Variants in TTC7A observed in about 807,000 individuals in gnomAD.
TTC7A encodes tetratricopeptide repeat domain 7A, also known as tetratricopeptide repeat protein 7A.
TTC7A carries 110 observed loss-of-function variants against 103.7 expected under a neutral mutation model. That is an observed-to-expected ratio of 1.06 (90% CI 0.91 to 1.24). The LOEUF (loss-of-function observed/expected upper bound fraction) is 1.24. Ranked by LOEUF, TTC7A falls within the 50% of genes most tolerant of loss-of-function variation. The pLI, the probability that TTC7A is intolerant of heterozygous loss-of-function variation, is 0.00. For synonymous variants in TTC7A, 521 were observed against 467.9 expected (o/e 1.11, Z -1.47); for missense variants, 1,340 against 1,116.3 (o/e 1.20, Z -2.86).
chr2:47,006,628 C>T lies in TTC7A; in HGVS notation c.1204-13C>T. 1 of 1,611,986 alleles carries T rather than the reference C, an allele frequency of 6.2e-7. No individual in the cohort carries two copies. The highest frequency in any genetic ancestry group is 8.5e-7 in the Non-Finnish European group (1 of 1,178,022). On this transcript the variant is annotated splice_polypyrimidine_tract_variant and intron_variant, in intron 9 of 19. Coordinates refer to ENST00000319190, the MANE Select transcript of TTC7A (RefSeq NM_020458.4). Reference sequence around the variant, plus strand: ...CCCCTGGTGGGTAAATGCTGACTATCTCCCCTCCCCAGTGCCTGGAGCGAG... The same window carrying T: ...CCCCTGGTGGGTAAATGCTGACTATTTCCCCTCCCCAGTGCCTGGAGCGAG...
At chr2:47,020,726 C>G (rs1008756801) in intron 11 of TTC7A, among the ~76,000 whole-genome samples, 3 of 152,368 alleles carry the variant, frequency 2.0e-5, no homozygotes, top group African/African-American at 7.2e-5. Context: ...CATAGCTCAC[C>G]CTGGCTAATA....
At chr2:47,043,689 C>G (rs1438864533) in intron 15 of TTC7A, among the ~76,000 whole-genome samples, 1 of 152,180 alleles carries the variant, frequency 6.6e-6, no homozygotes, top group Non-Finnish European at 1.5e-5. Flanking sequence ...TCTGGATCCT[C>G]CCAGGATCCT....
chr2:47,022,686 C>T (rs905636306), intron 12 of TTC7A, among the ~76,000 whole-genome samples: 2 of 152,134 alleles, frequency 1.3e-5, no homozygotes, highest in South Asian at 2.1e-4. Context: ...GCGGCAGTCA[C>T]GGTGACATCG....
chr2:47,047,900 T>G (rs1558625382), intron 16 of TTC7A, among the ~76,000 whole-genome samples: 1 of 152,296 alleles, frequency 6.6e-6, no homozygotes, highest in African/African-American at 2.4e-5. Context: ...CCTCCCTGTC[T>G]CCTGGGAAAG....
chr2:47,011,656 G>T (rs1678065825), intron 11 of TTC7A, among the ~76,000 whole-genome samples: 1 of 152,246 alleles, frequency 6.6e-6, no homozygotes, highest in South Asian at 2.1e-4. Flanking sequence ...TGGCAGTTCA[G>T]CCTTGAACTG....
At position 47,024,397 on chromosome 2, in the gene TTC7A, G is replaced by A. The variant is rs77413840; in HGVS notation, c.1641+38G>A. 13 of 1,567,190 alleles carry A rather than the reference G, an allele frequency of 8.3e-6. No homozygotes were observed. In the East Asian group the frequency reaches 2.9e-4, roughly 35 times the overall value. ...TGTTCCTAACCCCCGGGTCCTCGGG[G>A]GCTGCTGATCTTCTCCTGGAAACCC... On this transcript the variant is annotated intron_variant, in intron 14 of 19. Transcript: ENST00000319190.
intron 8 of TTC7A, among the ~76,000 whole-genome samples, chr2:46,997,678 T>G (rs1185179787): frequency 6.6e-6 from 1 of 152,146 alleles, no homozygotes; most frequent in East Asian, 1.9e-4. Flanking sequence ...CCTTGCCCAC[T>G]GCTCTAATCC....
chr2:46,994,171 G>A, intron 6 of TTC7A, 186 bp from the exon 7 acceptor site: 1 of 634,238 alleles, frequency 1.6e-6, no homozygotes, highest in East Asian at 2.8e-5. Flanking sequence ...AGAGGGGTGG[G>A]AGCGCCAGTG....
At chr2:47,017,065 TGGC>T (rs1678735518) in intron 11 of TTC7A, among the ~76,000 whole-genome samples, 1 of 151,830 alleles carries the variant, frequency 6.6e-6, no homozygotes, top group East Asian at 1.9e-4. Context: ...CCAGGCATGG[TGGC>T]GGGCACCTGT....
At chr2:47,055,613 C>G (rs983104794) in intron 18 of TTC7A, among the ~76,000 whole-genome samples, 1 of 152,150 alleles carries the variant, frequency 6.6e-6, no homozygotes, top group Non-Finnish European at 1.5e-5. Context: ...TGGGAGCTGA[C>G]AGTGGGCCAG....
rs528802668 is a variant in TTC7A, at chr2:47,003,421, T to C, written c.1066-2501T>C. On this transcript the variant is annotated intron_variant, in intron 8 of 19. Transcript: ENST00000319190. ...AGGTGTCCAGGTTGATAGAGGGAAC[T>C]GCAGCATGACCGAAGATGGGCCATG... Among the ~76,000 whole-genome samples the C allele has an allele frequency of 1.1e-3, 165 of 152,168 alleles. 1 individual carries two copies. The highest frequency in any genetic ancestry group is 2.5e-3 in the Admixed American group (38 of 15,292).
At chr2:46,942,154 CAG>C (rs1670483753) in intron 1 of TTC7A, among the ~76,000 whole-genome samples, 1 of 152,172 alleles carries the variant, frequency 6.6e-6, no homozygotes, top group Admixed American at 6.5e-5. Context: ...CCGAAGCAGA[CAG>C]GGGCGAGGGT....
intron 11 of TTC7A, among the ~76,000 whole-genome samples, chr2:47,020,354 G>C (rs1157616935): frequency 6.6e-6 from 1 of 152,180 alleles, no homozygotes; most frequent in Admixed American, 6.5e-5. Flanking sequence ...TGGCCTAGGA[G>C]ACAGATCTTA....
intron 3 of TTC7A, among the ~76,000 whole-genome samples, chr2:46,966,176 C>T (rs957699815): frequency 3.3e-5 from 5 of 152,140 alleles, no homozygotes; most frequent in Middle Eastern, 3.4e-3. Context: ...CTTGAACTCT[C>T]GACCTCAGAT....
chr2:47,046,638 C>T (rs993434442), intron 16 of TTC7A, among the ~76,000 whole-genome samples: 4 of 152,208 alleles, frequency 2.6e-5, no homozygotes, highest in South Asian at 2.1e-4. Flanking sequence ...AGAGACCCTA[C>T]GTAGGACATT....
chr2:46,988,245 C>T (rs997112983), intron 5 of TTC7A, among the ~76,000 whole-genome samples: 1 of 152,150 alleles, frequency 6.6e-6, no homozygotes, highest in African/African-American at 2.4e-5. Context: ...TGGATGACAT[C>T]CTTGGTGCCA....
chr2:47,072,848 C>G (rs1684882144), intron 19 of TTC7A, among the ~76,000 whole-genome samples: 1 of 152,244 alleles, frequency 6.6e-6, no homozygotes, highest in Non-Finnish European at 1.5e-5. Context: ...CCTGTCCACC[C>G]TACCCACTTC....
chr2:47,020,325 C>T (rs1000605333), intron 11 of TTC7A, among the ~76,000 whole-genome samples: 15 of 152,342 alleles, frequency 9.8e-5, no homozygotes, highest in Middle Eastern at 3.4e-3. Flanking sequence ...CAGCAGCCCT[C>T]CTGAGTCCTG....
chr2:46,941,794 C>G lies in TTC7A; in HGVS notation c.184+69C>G. On this transcript the variant is annotated intron_variant, in intron 1 of 19. Coordinates refer to ENST00000319190, the MANE Select transcript of TTC7A (RefSeq NM_020458.4). The surrounding 1 kb of genome is among the most constrained non-coding windows in gnomAD (Gnocchi z 4.2). ...AACGCACCGCCTCCTCCAGGAAGCG[C>G]GCCCAGACAGTCCTCGGCCGACAGC... 6.5e-7 allele frequency: 1 copy of G among 1,534,712 alleles called. No individual in the cohort carries two copies. Among genetic ancestry groups the G allele is most frequent in the South Asian group, 1.2e-5 (1 of 83,132 alleles).
Sources: gnomAD v4.1 joint callset for allele counts (sites outside exome capture counted in the v4.1 genomes callset) on GRCh38, gnomAD v4.1.1 for gene constraint, Gnocchi (gnomAD v3.1) non-coding constraint, MANE v1.5 for transcripts, NCBI Gene and HGNC (gene_info 2026-07-23, HGNC 2026-07-21) for gene names.